The following PRKN variants were observed in gnomAD, a reference collection of about 807,000 sequenced individuals.
The protein encoded by PRKN is parkin RBR E3 ubiquitin protein ligase.
Under a neutral mutation model 59.5 loss-of-function variants are expected in PRKN, and 56 were observed. The ratio of observed to expected loss-of-function variants is 0.94; its 90% CI spans 0.76 to 1.18. The LOEUF (loss-of-function observed/expected upper bound fraction) is 1.18, where lower values mean the gene tolerates loss of function less well. Among genes scored for constraint, PRKN ranks in the 50% most tolerant of loss-of-function variants. PRKN has a pLI of 0.00. For missense variants in PRKN, 657 were observed against 596.4 expected (o/e 1.10, Z -1.06); for synonymous variants, 250 against 222.1 (o/e 1.13, Z -1.12).
chr6:162,486,528 T>C (rs1393505961), intron 1 of PRKN, among the ~76,000 whole-genome samples: 2 of 152,214 alleles, frequency 1.3e-5, no homozygotes, highest in African/African-American at 2.4e-5. Flanking sequence ...CACCATACAC[T>C]TGCTCATCTA....
intron 1 of PRKN, among the ~76,000 whole-genome samples, chr6:162,530,429 G>A (rs1778463830): frequency 6.6e-6 from 1 of 152,186 alleles, no homozygotes; most frequent in South Asian, 2.1e-4. Context: ...CCATAAAACA[G>A]TGTGGCCTAG....
intron 2 of PRKN, among the ~76,000 whole-genome samples, chr6:162,382,029 G>C (rs989142596): frequency 1.3e-5 from 2 of 152,070 alleles, no homozygotes; most frequent in African/African-American, 4.8e-5. Context: ...AAAAATTTCT[G>C]GATATCTGCT....
chr6:161,679,162 G>T (rs897181867), intron 7 of PRKN, among the ~76,000 whole-genome samples: 5 of 152,200 alleles, frequency 3.3e-5, no homozygotes, highest in African/African-American at 1.2e-4. Context: ...AGAGGACAGA[G>T]ATTTCAGGAG....
intron 5 of PRKN, among the ~76,000 whole-genome samples, chr6:162,005,782 A>G (rs973510788): frequency 3.3e-5 from 5 of 151,922 alleles, no homozygotes; most frequent in African/African-American, 4.8e-5. Flanking sequence ...TTTTGGGGGG[A>G]AAAAAGTTAA....
At chr6:161,707,340 A>G (rs1180027325) in intron 7 of PRKN, among the ~76,000 whole-genome samples, 1 of 152,226 alleles carries the variant, frequency 6.6e-6, no homozygotes, top group East Asian at 1.9e-4. Context: ...GTACATCATA[A>G]TTGTGCGTTG....
rs976904492 is a variant in PRKN at position 161,471,831 on chromosome 6, T to C, written c.1083+77023A>G. Among the ~76,000 whole-genome samples the C allele has an allele frequency of 1.3e-5, 2 of 152,188 alleles. No individual in the cohort carries two copies. The highest frequency in any genetic ancestry group is 4.8e-5 in the African/African-American group (2 of 41,454). On this transcript the variant is annotated intron_variant, in intron 9 of 11. Transcript: ENST00000366898. This position sits in a 1 kb window ranked among gnomAD's most constrained non-coding sequence, Gnocchi z 4.5. ...ATACAATAAATGCATCTATGAAAGA[T>C]TAAATTAATCTAAGGTAACACTAAT...
chr6:161,653,458 C>T (rs906221680), intron 7 of PRKN, among the ~76,000 whole-genome samples: 2 of 152,180 alleles, frequency 1.3e-5, no homozygotes, highest in African/African-American at 4.8e-5. Context: ...TCATGGCATG[C>T]TCCCTCATTG....
chr6:161,653,523 C>T (rs1784225896), intron 7 of PRKN, among the ~76,000 whole-genome samples: 1 of 152,154 alleles, frequency 6.6e-6, no homozygotes. Context: ...ATAAAATGCT[C>T]CCAGTAAATA....
chr6:161,882,062 GC>G (rs1192832124), intron 6 of PRKN, among the ~76,000 whole-genome samples: 4 of 152,114 alleles, frequency 2.6e-5, no homozygotes, highest in Non-Finnish European at 5.9e-5. Context: ...GCTATATAGA[GC>G]CTTGGTAATC....
At chr6:162,589,309 C>T (rs1222965231) in intron 1 of PRKN, among the ~76,000 whole-genome samples, 1 of 151,202 alleles carries the variant, frequency 6.6e-6, no homozygotes, top group Non-Finnish European at 1.5e-5. Flanking sequence ...TATCTTCAAT[C>T]TCTCTCTCTC....
chr6:161,615,196 T>C (rs1195289206), intron 7 of PRKN, among the ~76,000 whole-genome samples: 1 of 152,154 alleles, frequency 6.6e-6, no homozygotes, highest in Non-Finnish European at 1.5e-5. Flanking sequence ...GAGAGGGGTC[T>C]TGAAACAGCT....
intron 7 of PRKN, among the ~76,000 whole-genome samples, chr6:161,748,427 A>C (rs1788529017): frequency 6.6e-6 from 1 of 151,764 alleles, no homozygotes; most frequent in African/African-American, 2.4e-5. Context: ...CTAAGCTCCC[A>C]GAGTAGAAAG....
intron 7 of PRKN, among the ~76,000 whole-genome samples, chr6:161,716,309 T>A (rs556274172): frequency 6.6e-6 from 1 of 152,362 alleles, no homozygotes; most frequent in Admixed American, 6.5e-5. Context: ...CTGCTGTTTC[T>A]CTTTATTTCC....
chr6:161,647,113 G>C (rs147981613), intron 7 of PRKN, among the ~76,000 whole-genome samples: 16 of 152,244 alleles, frequency 1.1e-4, no homozygotes, highest in African/African-American at 3.1e-4. Flanking sequence ...AATAGTAACA[G>C]GTTGTGGAAG....
intron 2 of PRKN, among the ~76,000 whole-genome samples, chr6:162,299,192 G>C (rs193054094): frequency 1.3e-5 from 2 of 152,168 alleles, no homozygotes; most frequent in Admixed American, 1.3e-4. Context: ...CAGCCCCTTC[G>C]GGCAGACAGA....
intron 2 of PRKN, among the ~76,000 whole-genome samples, chr6:162,407,462 T>C (rs1160665357): frequency 1.3e-5 from 2 of 152,208 alleles, no homozygotes; most frequent in East Asian, 3.8e-4. Context: ...ATTGCAAATG[T>C]CAAGTTCATT....
chr6:161,401,305 G>T lies in PRKN; in HGVS notation c.1084-14428C>A, dbSNP rs897323310. ...AGGCCAGTCTTGCTTTAGCACCAAA[G>T]AATTAATTTTAAAAGTTAGAGTTGG... is the stretch of plus-strand genomic sequence containing the variant. On this transcript the variant is annotated intron_variant, in intron 9 of 11. Coordinates refer to ENST00000366898, the MANE Select transcript of PRKN (RefSeq NM_004562.3). This position sits in a 1 kb window ranked among gnomAD's most constrained non-coding sequence, Gnocchi z 4.4. Among the ~76,000 whole-genome samples the T allele has an allele frequency of 3.3e-5, 5 of 152,208 alleles. No individual in the cohort carries two copies. Among genetic ancestry groups the T allele is most frequent in the African/African-American group, 4.8e-5 (2 of 41,524 alleles).
chr6:162,422,228 T>C (rs1789006683), intron 2 of PRKN, among the ~76,000 whole-genome samples: 2 of 152,254 alleles, frequency 1.3e-5, no homozygotes, highest in Non-Finnish European at 2.9e-5. Flanking sequence ...CATGAAAGTA[T>C]ATTTAGAAAG....
At chr6:162,627,582 A>C (rs565867817) in intron 1 of PRKN, among the ~76,000 whole-genome samples, 1 of 152,208 alleles carries the variant, frequency 6.6e-6, no homozygotes, top group East Asian at 1.9e-4. Context: ...ATTAGTTAAT[A>C]AGCAACTATA....
Sources: allele counts gnomAD v4.1 joint callset (sites outside exome capture counted in the v4.1 genomes callset), GRCh38; gene constraint gnomAD v4.1.1; non-coding constraint Gnocchi (gnomAD v3.1); transcripts MANE v1.5; gene names NCBI Gene and HGNC (gene_info 2026-07-23, HGNC 2026-07-21).